SEMA3E: variants seen among roughly 807,000 people sequenced by gnomAD.
SEMA3E encodes semaphorin-3E.
SEMA3E carries 49 observed loss-of-function variants against 93.6 expected under a neutral mutation model. That is an observed-to-expected ratio of 0.52 (90% CI 0.42 to 0.66). SEMA3E has a LOEUF of 0.66. SEMA3E is among the 30% of genes least tolerant of loss of function. SEMA3E has a pLI of 0.00. For synonymous variants in SEMA3E, 363 were observed against 330.7 expected, an observed-to-expected ratio of 1.10 and a Z score of -1.06; for missense variants, 906 against 964.8, an observed-to-expected ratio of 0.94 and a Z score of 0.81.
At chr7:83,440,142 T>C (rs1159835285) in intron 4 of SEMA3E, among the ~76,000 whole-genome samples, 1 of 152,216 alleles carries the variant, frequency 6.6e-6, no homozygotes, top group East Asian at 1.9e-4. Context: ...TCTAAGTTCA[T>C]GGTAATCCTC....
chr7:83,637,409 C>T (rs1288169216), intron 1 of SEMA3E, among the ~76,000 whole-genome samples: 1 of 151,974 alleles, frequency 6.6e-6, no homozygotes, highest in Non-Finnish European at 1.5e-5. Flanking sequence ...TAATAATAAG[C>T]CAAATCTACT....
At chr7:83,392,752 A>G in intron 13 of SEMA3E, 31 bp from the exon 14 acceptor site, 2 of 1,607,218 alleles carry the variant, frequency 1.2e-6, no homozygotes, top group Non-Finnish European at 1.7e-6. Context: ...TCACTAGCAG[A>G]AATGGACAAA....
intron 4 of SEMA3E, among the ~76,000 whole-genome samples, chr7:83,459,724 C>T (rs904716629): frequency 8.0e-5 from 12 of 150,442 alleles, no homozygotes; most frequent in African/African-American, 2.3e-4. Context: ...TGCACGTATT[C>T]GCCCAGATGG....
At chr7:83,510,721 A>G (rs1253582932) in intron 1 of SEMA3E, among the ~76,000 whole-genome samples, 1 of 152,192 alleles carries the variant, frequency 6.6e-6, no homozygotes, top group Non-Finnish European at 1.5e-5. Flanking sequence ...TCTATTTATT[A>G]AAACCACAAA....
rs1179880233 is a variant in SEMA3E, at chr7:83,648,801, T to C, written c.-259A>G. The C allele has an allele frequency of 1.0e-5, 5 of 491,512 alleles. No homozygotes were observed. Among genetic ancestry groups the C allele is most frequent in the Admixed American group, 3.3e-5 (1 of 29,890 alleles). 30.4% of individuals were successfully genotyped at this position (491,512 alleles called of 1,614,324 possible). A position where few individuals can be genotyped will look rare whatever the true frequency, so the allele number is the denominator to read the frequency against. On this transcript the variant is annotated 5_prime_UTR_variant, in exon 1 of 17. Coordinates refer to ENST00000643230, the MANE Select transcript of SEMA3E (RefSeq NM_012431.3). ...TGAGTCTTCAGAGCCATGTCCTGTC[T>C]AGAGCGCTCTTCAGCAACTACGCCG...
intron 4 of SEMA3E, among the ~76,000 whole-genome samples, chr7:83,432,711 G>T (rs1411340943): frequency 1.3e-5 from 2 of 151,962 alleles, no homozygotes; most frequent in African/African-American, 2.4e-5. Context: ...TTAATTTAGG[G>T]GTGCCTATTA....
chr7:83,609,004 A>G (rs1040220618), intron 1 of SEMA3E, among the ~76,000 whole-genome samples: 1 of 152,144 alleles, frequency 6.6e-6, no homozygotes, highest in Non-Finnish European at 1.5e-5. Flanking sequence ...GTAACAAGAA[A>G]TTGTAGAGAA....
intron 1 of SEMA3E, among the ~76,000 whole-genome samples, chr7:83,507,720 T>A (rs936688868): frequency 6.6e-6 from 1 of 151,794 alleles, no homozygotes; most frequent in Non-Finnish European, 1.5e-5. Context: ...GGAGGATCAT[T>A]TGAGCCCAGG....
chr7:83,527,554 A>G (rs1267860425), intron 1 of SEMA3E, among the ~76,000 whole-genome samples: 1 of 152,156 alleles, frequency 6.6e-6, no homozygotes, highest in Non-Finnish European at 1.5e-5. Flanking sequence ...GGTTACAACT[A>G]CACCCTAGTT....
intron 4 of SEMA3E, among the ~76,000 whole-genome samples, chr7:83,435,096 A>G (rs566657559): frequency 6.6e-6 from 1 of 152,258 alleles, no homozygotes; most frequent in East Asian, 1.9e-4. Flanking sequence ...TTTAGTCCAT[A>G]TTGTGTCCAT....
intron 2 of SEMA3E, among the ~76,000 whole-genome samples, chr7:83,477,564 T>C (rs1312683456): frequency 6.6e-6 from 1 of 152,142 alleles, no homozygotes; most frequent in Non-Finnish European, 1.5e-5. Context: ...GCCAGAATTA[T>C]AATATTTTGA....
chr7:83,551,217 A>G (rs1791757864), intron 1 of SEMA3E, among the ~76,000 whole-genome samples: 2 of 152,154 alleles, frequency 1.3e-5, no homozygotes, highest in South Asian at 4.1e-4. Flanking sequence ...ACCAAAAAAA[A>G]TACTGAAAAC....
intron 1 of SEMA3E, among the ~76,000 whole-genome samples, chr7:83,503,770 C>A (rs1485629337): frequency 6.6e-6 from 1 of 152,132 alleles, no homozygotes; most frequent in Non-Finnish European, 1.5e-5. Flanking sequence ...AATAAAAATA[C>A]TGCATTATAA....
intron 1 of SEMA3E, among the ~76,000 whole-genome samples, chr7:83,602,802 A>G (rs182345959): frequency 2.0e-5 from 3 of 151,870 alleles, no homozygotes; most frequent in African/African-American, 7.3e-5. Flanking sequence ...TATTAGTTTC[A>G]TTTTCTTTTT....
At chr7:83,595,893 A>G (rs1175049098) in intron 1 of SEMA3E, among the ~76,000 whole-genome samples, 1 of 152,004 alleles carries the variant, frequency 6.6e-6, no homozygotes, top group Non-Finnish European at 1.5e-5. Flanking sequence ...TTTTAGGGAG[A>G]AATAATTTAT....
intron 1 of SEMA3E, among the ~76,000 whole-genome samples, chr7:83,514,847 CAGG>C (rs1790895164): frequency 6.6e-6 from 1 of 151,822 alleles, no homozygotes; most frequent in South Asian, 2.1e-4. Flanking sequence ...TTTTAAGAAT[CAGG>C]AGAGCTAGGA....
rs375512484 is a variant in SEMA3E, at chr7:83,603,373, T to C, written c.115+45055A>G. Reference sequence around the variant, plus strand: ...AAGAGAGTAAAAAAGCCTGAAACTTTGTGACAGGTCCTTTTTGAAAAAATT... The same window carrying C: ...AAGAGAGTAAAAAAGCCTGAAACTTCGTGACAGGTCCTTTTTGAAAAAATT... On this transcript the variant is annotated intron_variant, in intron 1 of 16. Coordinates refer to ENST00000643230, the MANE Select transcript of SEMA3E (RefSeq NM_012431.3). Among the ~76,000 whole-genome samples, 52 of 152,262 alleles carry C rather than the reference T, an allele frequency of 3.4e-4. No individual in the cohort carries two copies. The East Asian group carries it at 6.6e-3, about 19-fold the overall frequency.
rs537613014 is a variant in SEMA3E at position 83,479,703 on chromosome 7, G to A, written c.277-10401C>T. ...ACAGTTAAGAGAACTGAGAAACAGA[G>A]CTGTGGACTAATTTGCCTGGAATCT... On this transcript the variant is annotated intron_variant, in intron 2 of 16. Transcript: ENST00000643230. 7.9e-5 allele frequency among the ~76,000 whole-genome samples: 12 copies of A among 152,270 alleles called. No individual in the cohort carries two copies. In the East Asian group the frequency reaches 2.1e-3, roughly 27 times the overall value.
intron 1 of SEMA3E, among the ~76,000 whole-genome samples, chr7:83,567,378 G>T (rs1298124216): frequency 2.6e-5 from 4 of 152,028 alleles, no homozygotes; most frequent in Non-Finnish European, 2.9e-5. Context: ...ATTAACTTTG[G>T]ATTAAAACTG....
Sources: allele counts gnomAD v4.1 joint callset (sites outside exome capture counted in the v4.1 genomes callset), GRCh38; gene constraint gnomAD v4.1.1; transcripts MANE v1.5; gene names NCBI Gene and HGNC (gene_info 2026-07-23, HGNC 2026-07-21).